C19orf47: variants seen among roughly 807,000 people sequenced by gnomAD.
C19orf47 encodes the protein uncharacterized protein C19orf47.
C19orf47 carries 18 observed loss-of-function variants against 32.3 expected under a neutral mutation model. That is an observed-to-expected ratio of 0.56 (90% CI 0.39 to 0.83). The LOEUF (loss-of-function observed/expected upper bound fraction) is 0.83, where lower values mean the gene tolerates loss of function less well. Among genes scored for constraint, C19orf47 ranks in the 40% least tolerant of loss-of-function variants. C19orf47 has a pLI of 0.00. For missense variants in C19orf47, 484 were observed against 531.6 expected (o/e 0.91, Z 0.88); for synonymous variants, 202 against 211.1 (o/e 0.96, Z 0.37).
chr19:40,296,897 G>A, the C19orf47 span, among the ~76,000 whole-genome samples: 1 of 151,802 alleles, frequency 6.6e-6, no homozygotes, highest in Non-Finnish European at 1.5e-5. Flanking sequence ...CTGGGCAACA[G>A]AGCAAGACCC....
the C19orf47 span, among the ~76,000 whole-genome samples, chr19:40,305,069 G>A: frequency 4.6e-5 from 7 of 151,552 alleles, no homozygotes; most frequent in East Asian, 3.9e-4. Flanking sequence ...TAGGCCAGGC[G>A]CGGTGGCTCA....
At chr19:40,303,152 T>A in the C19orf47 span, among the ~76,000 whole-genome samples, 25 of 149,086 alleles carry the variant, frequency 1.7e-4, no homozygotes, top group Non-Finnish European at 1.5e-5. Context: ...CGCTTGAACC[T>A]GGGAGGCGGA....
chr19:40,315,693 T>C (rs908398697), downstream of C19orf47, among the ~76,000 whole-genome samples: 2 of 151,952 alleles, frequency 1.3e-5, no homozygotes, highest in Non-Finnish European at 2.9e-5. Context: ...GGCAGGAGAA[T>C]TGCTTGAACC....
chr19:40,301,820 G>C, the C19orf47 span, among the ~76,000 whole-genome samples: 2 of 145,614 alleles, frequency 1.4e-5, no homozygotes, highest in African/African-American at 5.1e-5. Context: ...ACTCCAGCCT[G>C]GGTGACAGAG....
the C19orf47 span, among the ~76,000 whole-genome samples, chr19:40,295,807 C>T: frequency 2.6e-5 from 4 of 151,962 alleles, no homozygotes; most frequent in African/African-American, 9.7e-5. Context: ...AGCGCAGCGT[C>T]GCAATCACCA....
At chr19:40,296,708 G>A in the C19orf47 span, among the ~76,000 whole-genome samples, 5 of 151,750 alleles carry the variant, frequency 3.3e-5, no homozygotes, top group African/African-American at 4.8e-5. Context: ...GAGGTCAGGA[G>A]TTCAAGACCA....
In C19orf47 at chr19:40,324,082, AG is replaced by A. The variant is rs1415926279; in HGVS notation, c.593-7del. On this transcript the variant is annotated splice_region_variant and splice_polypyrimidine_tract_variant and intron_variant, in intron 7 of 8. Transcript: ENST00000683109. ...CACAGACGTCCTATGGAGACCTGGG[AG>A]GGAAGTGAAGCCATCAGGGAGAGGC... is the stretch of plus-strand genomic sequence containing the variant. 1 of 1,614,214 alleles carries A rather than the reference AG, an allele frequency of 6.2e-7. No homozygotes were observed. The highest frequency in any genetic ancestry group is 2.2e-5 in the East Asian group (1 of 44,880).
chr19:40,336,595 GC>G (rs1225501553), intron 2 of C19orf47, among the ~76,000 whole-genome samples, 188 bp from the exon 3 acceptor site: 18 of 152,182 alleles, frequency 1.2e-4, no homozygotes, highest in African/African-American at 4.1e-4. Context: ...ATTAAGATTC[GC>G]CTGAGTTGCC....
chr19:40,329,763 T>C (rs745454712), intron 5 of C19orf47, among the ~76,000 whole-genome samples: 3 of 152,182 alleles, frequency 2.0e-5, no homozygotes, highest in Non-Finnish European at 4.4e-5. Flanking sequence ...GGTGGCTTTA[T>C]GTCTAATGGC....
intron 4 of C19orf47, among the ~76,000 whole-genome samples, chr19:40,334,387 T>G (rs546557999): frequency 6.6e-6 from 1 of 152,120 alleles, no homozygotes; most frequent in Non-Finnish European, 1.5e-5. Context: ...AGTTTGAGGC[T>G]GCAGTAAGCT....
chr19:40,342,140 T>C lies in C19orf47; in HGVS notation c.-33-250A>G, dbSNP rs117769284. ...CTCCATTCACACACACCCCAAAAGG[T>C]TGGCTGGAAAAGGAGTGCAACAGAA... is the stretch of plus-strand genomic sequence containing the variant. On this transcript the variant is annotated intron_variant, in intron 1 of 8. Transcript: ENST00000683109. 2,887 of 824,772 alleles carry C rather than the reference T, an allele frequency of 3.5e-3. 5 individuals carry two copies. Among genetic ancestry groups the C allele is most frequent in the Non-Finnish European group, 4.0e-3 (2,754 of 683,440 alleles). The allele number at this position is 824,772 out of a possible 1,614,324, so 51.1% of individuals were successfully genotyped here.
the C19orf47 span, among the ~76,000 whole-genome samples, chr19:40,306,385 A>C: frequency 6.6e-6 from 1 of 152,040 alleles, no homozygotes; most frequent in African/African-American, 2.4e-5. Flanking sequence ...AGTATACAGA[A>C]ATCCTTTGTA....
At chr19:40,338,729 G>A (rs1057277080) in intron 2 of C19orf47, among the ~76,000 whole-genome samples, 2 of 151,804 alleles carry the variant, frequency 1.3e-5, no homozygotes, top group Admixed American at 6.6e-5. Context: ...TGTTGCCTAG[G>A]CTGGTCTCAA....
intron 7 of C19orf47, 32 bp from the exon 8 acceptor site, chr19:40,324,108 C>G: frequency 1.9e-6 from 3 of 1,611,020 alleles, no homozygotes; most frequent in South Asian, 2.2e-5. Context: ...CAGGGAGAGG[C>G]CCCGGTGGGC....
At chr19:40,341,547 A>C (rs540576347) in intron 2 of C19orf47, among the ~76,000 whole-genome samples, 31 of 152,248 alleles carry the variant, frequency 2.0e-4, no homozygotes, top group South Asian at 1.0e-3. Flanking sequence ...TGTGAATATC[A>C]TTTCCATTTC....
At chr19:40,305,792 A>G in the C19orf47 span, among the ~76,000 whole-genome samples, 12 of 152,336 alleles carry the variant, frequency 7.9e-5, no homozygotes, top group African/African-American at 2.9e-4. Context: ...TGAATTTTGC[A>G]TTAGATAAAA....
rs376354161 is a variant in C19orf47, at chr19:40,326,441, T to C, written c.485A>G (p.Lys162Arg). ...CATCTCAGCAGTGACCCGGCGCCGC[T>C]TGGCAGGAACAGCCAGGCTCTCCTC... ...REEESLAVPA[K>R]RRRVTAEMEG... The change falls in exon 7 of 9, where the codon AAG (lysine) becomes AGG (arginine). Residue 162 changes from lysine to arginine, a missense_variant. Lys to Arg is a conservative substitution (Grantham distance 26). This residue lies in a region of C19orf47 where 376 missense variants were observed against 370.2 expected (regional missense o/e 1.02). Coordinates refer to ENST00000683109, the MANE Select transcript of C19orf47 (RefSeq NM_001256441.2). The C allele has an allele frequency of 3.2e-5, 51 of 1,613,954 alleles. No individual in the cohort carries two copies. The highest frequency in any genetic ancestry group is 4.2e-5 in the Non-Finnish European group (49 of 1,180,034).
chr19:40,334,428 A>AGAGTGAGACCACTGCATTCTAG (rs2078018080), intron 4 of C19orf47, among the ~76,000 whole-genome samples: 1 of 152,038 alleles, frequency 6.6e-6, no homozygotes. Flanking sequence ...TAGCCTGGGC[A>AGAGTGAGACCACTGCATTCTAG]ACAGAGTGAG....
intron 1 of C19orf47, chr19:40,342,120 T>C (rs1399549402): frequency 1.1e-6 from 1 of 902,658 alleles, no homozygotes; most frequent in East Asian, 1.2e-4. Context: ...CACAGCTCCA[T>C]TCACACACAC....
Sources: gnomAD v4.1 joint callset for allele counts (sites outside exome capture counted in the v4.1 genomes callset) on GRCh38, gnomAD v4.1.1 for gene constraint, gnomAD v4.1.1 regional missense constraint, MANE v1.5 for transcripts, NCBI Gene and HGNC (gene_info 2026-07-23, HGNC 2026-07-21) for gene names.